STIM1: variants seen among roughly 807,000 people sequenced by gnomAD.
STIM1 encodes the protein stromal interaction molecule 1.
Under a neutral mutation model 74.7 loss-of-function variants are expected in STIM1, and 25 were observed. The ratio of observed to expected loss-of-function variants is 0.33; its 90% CI spans 0.24 to 0.47. The LOEUF (loss-of-function observed/expected upper bound fraction) is 0.47. Ranked by LOEUF, STIM1 falls within the 20% of genes least tolerant of loss-of-function variation. The probability of loss-of-function intolerance (pLI) is 1.00; values close to 1 mark genes in which losing one functional copy is unlikely to be tolerated. For missense variants in STIM1, 728 were observed against 920.8 expected (o/e 0.79, Z 2.71); for synonymous variants, 328 against 348.8 (o/e 0.94, Z 0.66).
rs183331474 is a variant in STIM1, at chr11:3,981,704, G to A, written c.270+14022G>A. ...AGATATGTTAGTATATGACCTATAC[G>A]TCTGACCTCCTCTGTGACCTTCTTC... On this transcript the variant is annotated intron_variant, in intron 2 of 12. Coordinates refer to ENST00000526596, the MANE Select transcript of STIM1 (RefSeq NM_001382567.1). 5.9e-3 allele frequency among the ~76,000 whole-genome samples: 903 copies of A among 152,156 alleles called. 2 individuals are homozygous for A. Among genetic ancestry groups the A allele is most frequent in the African/African-American group, 0.015 (611 of 41,506 alleles).
chr11:4,070,118 T>C lies in STIM1; in HGVS notation c.706T>C (p.Tyr236His). The change falls in exon 6 of 13, where the codon TAC becomes CAC. Residue 236 changes from tyrosine (Y) to histidine (H), a missense_variant. Tyr to His is a moderately conservative substitution (Grantham distance 83). Coordinates refer to ENST00000526596, the MANE Select transcript of STIM1 (RefSeq NM_001382567.1). ...GCWFAYIQNRYSKEHMKKMMK... is the reference protein window; with the variant it reads ...GCWFAYIQNRHSKEHMKKMMK... Reference sequence around the variant, plus strand: ...CTGGTTTGCCTATATCCAGAACCGTTACTCCAAGGAGCACATGAAGAAGAT... The same window carrying C: ...CTGGTTTGCCTATATCCAGAACCGTCACTCCAAGGAGCACATGAAGAAGAT... 1 of 1,614,182 alleles carries C rather than the reference T, an allele frequency of 6.2e-7. No homozygotes were observed. Among genetic ancestry groups the C allele is most frequent in the Non-Finnish European group, 8.5e-7 (1 of 1,180,026 alleles).
chr11:3,989,471 C>T (rs2135838680), intron 2 of STIM1: 1 of 676,872 alleles, frequency 1.5e-6, no homozygotes, highest in Non-Finnish European at 2.8e-6. Context: ...ATCCTGGCGG[C>T]GTGGAGGGTG....
At chr11:3,876,585 T>A (rs938780871) in intron 1 of STIM1, among the ~76,000 whole-genome samples, 1 of 152,144 alleles carries the variant, frequency 6.6e-6, no homozygotes, top group African/African-American at 2.4e-5. Context: ...TTATTTTTAT[T>A]TTTTGTAGAG....
At position 4,055,566 on chromosome 11, in the gene STIM1, C is replaced by A; in HGVS notation, c.426C>A (p.Ile142=). The A allele has an allele frequency of 6.2e-7, 1 of 1,601,346 alleles. No individual in the cohort carries two copies. Among genetic ancestry groups the A allele is most frequent in the Non-Finnish European group, 8.5e-7 (1 of 1,175,188 alleles). The change falls in exon 4 of 13, where the codon ATC becomes ATA. Residue 142 remains isoleucine (I), a synonymous_variant. Transcript: ENST00000526596. ...TGGATGAGGTGGTACAGTGGCTGAT[C>A]ACATATGTGGAGCTGCCTCAGTATG... ...WTVDEVVQWL[I]TYVELPQYEE...
At chr11:3,957,565 TTATTA>T (rs1308548288) in intron 1 of STIM1, among the ~76,000 whole-genome samples, 2 of 151,980 alleles carry the variant, frequency 1.3e-5, no homozygotes, top group African/African-American at 4.8e-5. Flanking sequence ...CCTATTATTA[TTATTA>T]ATGTTGAGAC....
intron 1 of STIM1, among the ~76,000 whole-genome samples, chr11:3,942,657 T>C (rs1329852372): frequency 6.6e-6 from 1 of 152,206 alleles, no homozygotes; most frequent in Non-Finnish European, 1.5e-5. Flanking sequence ...TTGTTTGCTT[T>C]GCTCTCTGTT....
At chr11:3,945,231 G>A (rs1394154304) in intron 1 of STIM1, among the ~76,000 whole-genome samples, 1 of 152,156 alleles carries the variant, frequency 6.6e-6, no homozygotes, top group Non-Finnish European at 1.5e-5. Context: ...TTTAAATAAG[G>A]CAGTATATAT....
At chr11:4,003,813 T>C (rs925965534) in intron 2 of STIM1, among the ~76,000 whole-genome samples, 26 of 152,232 alleles carry the variant, frequency 1.7e-4, no homozygotes, top group Non-Finnish European at 3.5e-4. Flanking sequence ...TGTTTGCAGA[T>C]GACATGATTG....
intron 3 of STIM1, among the ~76,000 whole-genome samples, chr11:4,037,907 T>G (rs1015525519): frequency 1.3e-5 from 2 of 152,178 alleles, no homozygotes; most frequent in Admixed American, 1.3e-4. Context: ...CTACCTTTTC[T>G]GCTTTCTTTT....
intron 1 of STIM1, among the ~76,000 whole-genome samples, chr11:3,871,248 C>G (rs1204408356): frequency 1.3e-5 from 2 of 152,230 alleles, no homozygotes; most frequent in East Asian, 1.9e-4. Flanking sequence ...CATGTGGGCT[C>G]AAAGTGGAGG....
At chr11:3,976,522 CAA>C (rs751858971) in intron 2 of STIM1, among the ~76,000 whole-genome samples, 32 of 152,160 alleles carry the variant, frequency 2.1e-4, no homozygotes, top group Non-Finnish European at 4.6e-4. Flanking sequence ...AACTATGCGC[CAA>C]AAAGTTAAAT....
At chr11:3,874,058 A>G (rs971013726) in intron 1 of STIM1, among the ~76,000 whole-genome samples, 3 of 152,104 alleles carry the variant, frequency 2.0e-5, no homozygotes, top group Non-Finnish European at 4.4e-5. Flanking sequence ...GCACAGAGCT[A>G]TTTTTCCTGG....
intron 1 of STIM1, among the ~76,000 whole-genome samples, chr11:3,891,573 C>T (rs976266676): frequency 4.6e-5 from 7 of 152,148 alleles, no homozygotes; most frequent in Non-Finnish European, 2.9e-5. Flanking sequence ...GTGTGAGCCA[C>T]TGTGCAGGCT....
intron 1 of STIM1, among the ~76,000 whole-genome samples, chr11:3,881,968 G>A (rs2091525347): frequency 1.3e-5 from 2 of 151,944 alleles, no homozygotes; most frequent in South Asian, 2.1e-4. Context: ...CACGGCGCCC[G>A]GCCTTGATCA....
At position 3,896,894 on chromosome 11, in the gene STIM1, A is replaced by G. The variant is rs2092195929; in HGVS notation, c.139+40485A>G. ...ATAACATGGAAATTATTATAAAATC[A>G]ATCTCATAGAGCTGTGCGAAGATTA... is the stretch of plus-strand genomic sequence containing the variant. On this transcript the variant is annotated intron_variant, in intron 1 of 12. Coordinates refer to ENST00000526596, the MANE Select transcript of STIM1 (RefSeq NM_001382567.1). Among the ~76,000 whole-genome samples the G allele has an allele frequency of 2.0e-5, 3 of 152,326 alleles. No individual in the cohort carries two copies. The South Asian group carries it at 6.2e-4, about 32-fold the overall frequency.
chr11:3,889,465 C>G (rs937453097), intron 1 of STIM1, among the ~76,000 whole-genome samples: 2 of 151,328 alleles, frequency 1.3e-5, no homozygotes, highest in South Asian at 4.2e-4. Flanking sequence ...CCTCCTGGGT[C>G]CAAGCGATTC....
At chr11:3,861,139 A>T (rs1468957346) in intron 1 of STIM1, among the ~76,000 whole-genome samples, 1 of 151,968 alleles carries the variant, frequency 6.6e-6, no homozygotes, top group African/African-American at 2.4e-5. Context: ...TAGCTGGATG[A>T]TCATTAGGCA....
chr11:3,993,236 C>T (rs907325050), intron 2 of STIM1, among the ~76,000 whole-genome samples: 5 of 152,154 alleles, frequency 3.3e-5, no homozygotes, highest in Admixed American at 1.3e-4. Flanking sequence ...CTCACTGTAG[C>T]CACACTCTTT....
intron 1 of STIM1, among the ~76,000 whole-genome samples, chr11:3,905,545 A>G (rs1403621573): frequency 6.6e-6 from 1 of 152,140 alleles, no homozygotes; most frequent in Non-Finnish European, 1.5e-5. Context: ...TCACTAGAGC[A>G]TGGGGCAGAC....
Sources: gnomAD v4.1 joint callset for allele counts (sites outside exome capture counted in the v4.1 genomes callset) on GRCh38, gnomAD v4.1.1 for gene constraint, MANE v1.5 for transcripts, NCBI Gene and HGNC (gene_info 2026-07-23, HGNC 2026-07-21) for gene names.